IL1RAPL1: variants seen among roughly 807,000 people sequenced by gnomAD.
IL1RAPL1 encodes the protein interleukin 1 receptor accessory protein like 1, also known as interleukin-1 receptor accessory protein-like 1.
A neutral mutation model predicts 48.4 loss-of-function variants in IL1RAPL1; 3 were observed. The observed-to-expected ratio is 0.06, with a 90% confidence interval of 0.03 to 0.16. The LOEUF (loss-of-function observed/expected upper bound fraction) is 0.16. Ranked by LOEUF, IL1RAPL1 falls within the 10% of genes least tolerant of loss-of-function variation. The pLI, the probability that IL1RAPL1 is intolerant of heterozygous loss-of-function variation, is 1.00. For synonymous variants in IL1RAPL1, 185 were observed against 187.7 expected, an observed-to-expected ratio of 0.99 and a Z score of 0.12; for missense variants, 349 against 530.6, an observed-to-expected ratio of 0.66 and a Z score of 3.36.
chrX:29,056,953 A>G (rs994007317), intron 2 of IL1RAPL1, among the ~76,000 whole-genome samples: 1 of 112,388 alleles, frequency 8.9e-6, no homozygotes, highest in Non-Finnish European at 1.9e-5. Context: ...AATAAGATCC[A>G]CTTACATAAA....
chrX:28,926,261 C>A (rs1923739126), intron 2 of IL1RAPL1, among the ~76,000 whole-genome samples: 1 of 112,019 alleles, frequency 8.9e-6, no homozygotes, highest in East Asian at 2.8e-4. Context: ...CTCAACTGTT[C>A]ATCTCCCTGG....
At position 28,705,055 on chromosome X, in the gene IL1RAPL1, T is replaced by C. The variant is rs761698153; in HGVS notation, c.-24-84265T>C. Among the ~76,000 whole-genome samples, 15 of 111,511 alleles carry C rather than the reference T, an allele frequency of 1.3e-4. No homozygotes were observed. In the South Asian group the frequency reaches 5.2e-3, roughly 38 times the overall value. ...TGCCACTTTGACTGCTTTTGGAAAA[T>C]GTTTTGTAGCAAGTCATAGTGGGTA... On this transcript the variant is annotated intron_variant, in intron 1 of 10. Transcript: ENST00000378993.
chrX:29,938,557 G>A (rs1376648861), intron 8 of IL1RAPL1, among the ~76,000 whole-genome samples: 1 of 111,338 alleles, frequency 9.0e-6, no homozygotes, highest in Non-Finnish European at 1.9e-5. Flanking sequence ...TAGAACTTAC[G>A]TTTTTCTTAA....
intron 1 of IL1RAPL1, among the ~76,000 whole-genome samples, chrX:28,639,233 A>G (rs1934504746): frequency 8.9e-6 from 1 of 112,054 alleles, no homozygotes; most frequent in African/African-American, 3.2e-5. Flanking sequence ...GAAATTTCAG[A>G]ATTGTATAAA....
intron 6 of IL1RAPL1, among the ~76,000 whole-genome samples, chrX:29,881,035 C>G (rs1364761141): frequency 9.0e-6 from 1 of 110,865 alleles, no homozygotes; most frequent in Non-Finnish European, 1.9e-5. Context: ...TTTTTTTCTT[C>G]CAAATATTCC....
intron 2 of IL1RAPL1, among the ~76,000 whole-genome samples, chrX:29,091,583 T>C (rs1251600082): frequency 9.0e-6 from 1 of 111,687 alleles, no homozygotes; most frequent in Non-Finnish European, 1.9e-5. Context: ...GTTTGCCCTT[T>C]AAGTTCATTA....
At chrX:29,820,660 C>T (rs1308233583) in intron 6 of IL1RAPL1, among the ~76,000 whole-genome samples, 1 of 111,835 alleles carries the variant, frequency 8.9e-6, no homozygotes, top group East Asian at 2.8e-4. Flanking sequence ...CTCCCATCCT[C>T]CTAGGACATC....
intron 3 of IL1RAPL1, among the ~76,000 whole-genome samples, chrX:29,386,257 T>A (rs1382576151): frequency 1.8e-5 from 2 of 111,470 alleles, no homozygotes; most frequent in Non-Finnish European, 3.8e-5. Context: ...CTTGAACTCC[T>A]GACCTCGTGA....
intron 2 of IL1RAPL1, among the ~76,000 whole-genome samples, chrX:28,896,579 A>T (rs978120606): frequency 9.0e-6 from 1 of 111,301 alleles, no homozygotes; most frequent in Non-Finnish European, 1.9e-5. Flanking sequence ...CAAAACTGTA[A>T]GCTGGACCGG....
At chrX:28,695,222 G>A (rs942353666) in intron 1 of IL1RAPL1, among the ~76,000 whole-genome samples, 1 of 111,091 alleles carries the variant, frequency 9.0e-6, no homozygotes. Context: ...CTAAGCTTTT[G>A]CCAAATATTA....
At chrX:29,383,461 A>G (rs1230570164) in intron 3 of IL1RAPL1, among the ~76,000 whole-genome samples, 1 of 112,199 alleles carries the variant, frequency 8.9e-6, no homozygotes, top group Non-Finnish European at 1.9e-5. Flanking sequence ...ATGGTATTAC[A>G]TTCTGACAAC....
At chrX:29,868,939 G>A (rs1334943115) in intron 6 of IL1RAPL1, among the ~76,000 whole-genome samples, 6 of 111,665 alleles carry the variant, frequency 5.4e-5, no homozygotes, top group African/African-American at 2.0e-4. Flanking sequence ...CCACTCAACC[G>A]GTTGGAATTT....
chrX:28,832,879 A>G (rs764314576), intron 2 of IL1RAPL1, among the ~76,000 whole-genome samples: 1 of 87,298 alleles, frequency 1.1e-5, no homozygotes, highest in South Asian at 5.3e-4. Flanking sequence ...TTGCCTGGCT[A>G]TATTGTGTGA....
At chrX:29,478,832 A>G (rs1438942588) in intron 5 of IL1RAPL1, among the ~76,000 whole-genome samples, 2 of 110,380 alleles carry the variant, frequency 1.8e-5, no homozygotes, top group East Asian at 5.7e-4. Context: ...TCCCCGTCTC[A>G]GGTCACCGCC....
At chrX:29,323,744 T>TAAA (rs1932823573) in intron 3 of IL1RAPL1, among the ~76,000 whole-genome samples, 3 of 27,009 alleles carry the variant, frequency 1.1e-4, no homozygotes, top group African/African-American at 7.5e-4. Context: ...TATATATATA[T>TAAA]ATATATATAT....
At chrX:29,816,253 C>A (rs1334052097) in intron 6 of IL1RAPL1, among the ~76,000 whole-genome samples, 1 of 110,842 alleles carries the variant, frequency 9.0e-6, no homozygotes, top group East Asian at 2.8e-4. Flanking sequence ...TATAACAAAT[C>A]CCACAGAAAT....
At chrX:29,693,189 A>G (rs1601781856) in intron 6 of IL1RAPL1, among the ~76,000 whole-genome samples, 2 of 111,855 alleles carry the variant, frequency 1.8e-5, no homozygotes, top group Admixed American at 9.5e-5. Flanking sequence ...TTTCCTCCCA[A>G]TTCTTACTCT....
At chrX:28,783,750 A>C (rs1363522922) in intron 1 of IL1RAPL1, among the ~76,000 whole-genome samples, 2 of 111,141 alleles carry the variant, frequency 1.8e-5, no homozygotes, top group Non-Finnish European at 3.8e-5. Flanking sequence ...AACCCTTTCT[A>C]CCTTAGTCAT....
intron 1 of IL1RAPL1, among the ~76,000 whole-genome samples, chrX:28,763,454 C>T (rs1302987724): frequency 8.9e-6 from 1 of 111,836 alleles, no homozygotes; most frequent in Non-Finnish European, 1.9e-5. Context: ...TATGCAATCC[C>T]ATGTAGCTAT....
Sources: allele counts gnomAD v4.1 joint callset (sites outside exome capture counted in the v4.1 genomes callset), GRCh38; gene constraint gnomAD v4.1.1; transcripts MANE v1.5; gene names NCBI Gene and HGNC (gene_info 2026-07-23, HGNC 2026-07-21).